Variants in CDH13 observed in about 807,000 individuals in gnomAD.
CDH13 encodes cadherin 13.
In CDH13, 24 loss-of-function variants were observed where a neutral mutation model predicts 63.8. The observed-to-expected ratio is 0.38, with a 90% confidence interval of 0.27 to 0.53. The LOEUF (loss-of-function observed/expected upper bound fraction) is 0.53. Among genes scored for constraint, CDH13 ranks in the 20% least tolerant of loss-of-function variants. The pLI, the probability that CDH13 is intolerant of heterozygous loss-of-function variation, is 0.85. For synonymous variants in CDH13, 503 were observed against 355.3 expected (o/e 1.42, Z -4.67); for missense variants, 1,049 against 903.1 (o/e 1.16, Z -2.07).
At chr16:83,091,554 C>T (rs1258736366) in intron 3 of CDH13, among the ~76,000 whole-genome samples, 1 of 152,176 alleles carries the variant, frequency 6.6e-6, no homozygotes, top group African/African-American at 2.4e-5. Flanking sequence ...TGAGCTCCAG[C>T]TGGAGACTAA....
intron 1 of CDH13, among the ~76,000 whole-genome samples, chr16:82,844,059 A>G (rs949906972): frequency 2.0e-5 from 3 of 152,202 alleles, no homozygotes; most frequent in African/African-American, 4.8e-5. Context: ...ATGGTCCCGT[A>G]ATAAGTCTAC....
At chr16:82,997,062 G>T (rs533764258) in intron 2 of CDH13, among the ~76,000 whole-genome samples, 233 of 151,046 alleles carry the variant, frequency 1.5e-3, no homozygotes, top group African/African-American at 5.3e-3. Flanking sequence ...GATAGTGATG[G>T]TGATGGTGGT....
chr16:83,436,654 CT>C (rs2072314243), intron 6 of CDH13, among the ~76,000 whole-genome samples: 1 of 152,192 alleles, frequency 6.6e-6, no homozygotes, highest in Admixed American at 6.5e-5. Context: ...CTTTTAATGC[CT>C]ATGCAGCCGT....
At chr16:83,545,318 A>T (rs984321044) in intron 7 of CDH13, among the ~76,000 whole-genome samples, 1 of 152,248 alleles carries the variant, frequency 6.6e-6, no homozygotes, top group Non-Finnish European at 1.5e-5. Context: ...AGGAAAAAAA[A>T]TAGTGGATGT....
chr16:83,747,300 C>A (rs553571859), intron 10 of CDH13, among the ~76,000 whole-genome samples: 1 of 152,082 alleles, frequency 6.6e-6, no homozygotes, highest in Non-Finnish European at 1.5e-5. Flanking sequence ...ATCATAGGGG[C>A]GGGTCTTTCC....
At chr16:83,081,151 G>T (rs989675407) in intron 3 of CDH13, among the ~76,000 whole-genome samples, 5 of 151,912 alleles carry the variant, frequency 3.3e-5, no homozygotes, top group African/African-American at 1.2e-4. Context: ...AAAATGCTGG[G>T]ATTATAAGCA....
At chr16:83,434,984 A>ATATAT (rs1567670701) in intron 6 of CDH13, among the ~76,000 whole-genome samples, 22 of 144,198 alleles carry the variant, frequency 1.5e-4, no homozygotes, top group Middle Eastern at 3.6e-3. Flanking sequence ...TAAATAAATA[A>ATATAT]ATATATATAT....
intron 6 of CDH13, chr16:83,383,025 A>G (rs1214715139): frequency 6.6e-6 from 1 of 152,276 alleles, no homozygotes; most frequent in Non-Finnish European, 1.5e-5. Context: ...CCCGAGTTAC[A>G]CATTGCATTT....
intron 1 of CDH13, among the ~76,000 whole-genome samples, chr16:82,772,934 G>A (rs899164642): frequency 2.0e-5 from 3 of 152,128 alleles, no homozygotes; most frequent in Non-Finnish European, 4.4e-5. Context: ...TGACCTGGGA[G>A]TAACCTAATT....
chr16:82,856,284 G>A (rs1329101492), intron 1 of CDH13, among the ~76,000 whole-genome samples: 1 of 151,242 alleles, frequency 6.6e-6, no homozygotes, highest in Non-Finnish European at 1.5e-5. Context: ...GCTGAGGCGG[G>A]AGAATGGCGT....
At chr16:83,010,388 T>C (rs1914026691) in intron 2 of CDH13, among the ~76,000 whole-genome samples, 1 of 152,088 alleles carries the variant, frequency 6.6e-6, no homozygotes, top group Admixed American at 6.5e-5. Context: ...ATGACAGAGA[T>C]GCACGACTGT....
At chr16:83,379,240 A>G (rs1473210956) in intron 6 of CDH13, among the ~76,000 whole-genome samples, 1 of 152,192 alleles carries the variant, frequency 6.6e-6, no homozygotes, top group East Asian at 1.9e-4. Flanking sequence ...TTAGAAGGGC[A>G]CTGACTACCT....
At chr16:82,931,506 T>C (rs747708353) in intron 2 of CDH13, among the ~76,000 whole-genome samples, 1 of 126,002 alleles carries the variant, frequency 7.9e-6, no homozygotes, top group Non-Finnish European at 1.6e-5. Context: ...GACCTTGAGG[T>C]CCCCCCCTTT....
At chr16:83,256,411 C>G (rs2151830857) in intron 5 of CDH13, among the ~76,000 whole-genome samples, 1 of 152,230 alleles carries the variant, frequency 6.6e-6, no homozygotes, top group East Asian at 1.9e-4. Flanking sequence ...ACCTTGTCTT[C>G]ATTTTAAGTA....
At chr16:83,599,457 T>C (rs1001709560) in intron 7 of CDH13, among the ~76,000 whole-genome samples, 2 of 152,240 alleles carry the variant, frequency 1.3e-5, no homozygotes, top group African/African-American at 4.8e-5. Context: ...AAAACATTCA[T>C]ACTCTTTATC....
At chr16:83,237,228 G>A (rs906981105) in intron 5 of CDH13, among the ~76,000 whole-genome samples, 1 of 152,216 alleles carries the variant, frequency 6.6e-6, no homozygotes, top group Non-Finnish European at 1.5e-5. Context: ...AGCAGCCTCT[G>A]CCTGTCTCAG....
chr16:82,677,536 C>T (rs60997954), intron 1 of CDH13, among the ~76,000 whole-genome samples: 3,625 of 140,598 alleles, frequency 0.026, 97 homozygotes, highest in African/African-American at 0.081. Flanking sequence ...TAATAAATAA[C>T]GACTAAATTA....
chr16:83,795,130 T>C lies in CDH13; in HGVS notation c.*100T>C. On this transcript the variant is annotated 3_prime_UTR_variant, in exon 14 of 14. Transcript: ENST00000567109. ...AGATTGCGGTTTACAGCTATCGAAC[T>C]TCACAACTAGGCCTCAATTGTTCCG... The C allele has an allele frequency of 1.0e-6, 1 of 968,802 alleles. No individual in the cohort carries two copies. The highest frequency in any genetic ancestry group is 1.6e-6 in the Non-Finnish European group (1 of 643,166). 60.0% of individuals were successfully genotyped at this position (968,802 alleles called of 1,614,324 possible).
rs560036127 is a variant in CDH13, at chr16:83,472,048, C to G, written c.782-14429C>G. Reference sequence around the variant, plus strand: ...TGCTTCTGGGCCATGCCTCTCCCGTCTTTTGATAACAACAATATTCTCAGA... The same window carrying G: ...TGCTTCTGGGCCATGCCTCTCCCGTGTTTTGATAACAACAATATTCTCAGA... On this transcript the variant is annotated intron_variant, in intron 6 of 13. Coordinates refer to ENST00000567109, the MANE Select transcript of CDH13 (RefSeq NM_001257.5). Among the ~76,000 whole-genome samples, 5 of 152,340 alleles carry G rather than the reference C, an allele frequency of 3.3e-5. No homozygotes were observed. In the East Asian group the frequency reaches 5.8e-4, roughly 18 times the overall value.
Sources: gnomAD v4.1 joint callset for allele counts (sites outside exome capture counted in the v4.1 genomes callset) on GRCh38, gnomAD v4.1.1 for gene constraint, MANE v1.5 for transcripts, NCBI Gene and HGNC (gene_info 2026-07-23, HGNC 2026-07-21) for gene names.